Variants in EFR3B observed in about 807,000 individuals in gnomAD.
EFR3B encodes the protein EFR3 homolog B, also known as protein EFR3 homolog B.
EFR3B carries 64 observed loss-of-function variants against 104.7 expected under a neutral mutation model. The observed-to-expected ratio is 0.61, with a 90% CI of 0.50 to 0.75. The LOEUF (loss-of-function observed/expected upper bound fraction) is 0.75. Ranked by LOEUF, EFR3B falls within the 30% of genes least tolerant of loss-of-function variation. The pLI is 0.00. For missense variants in EFR3B, 750 were observed against 1,078.5 expected (o/e 0.70, Z 4.27); for synonymous variants, 385 against 417.9 (o/e 0.92, Z 0.96).
chr2:25,057,808 C>G (rs1045704232), intron 1 of EFR3B, among the ~76,000 whole-genome samples: 1 of 150,198 alleles, frequency 6.7e-6, no homozygotes, highest in African/African-American at 2.4e-5. Flanking sequence ...AGACCATTAT[C>G]AATTGAGCTA....
intron 3 of EFR3B, among the ~76,000 whole-genome samples, chr2:25,097,043 C>T (rs1175144207): frequency 6.6e-6 from 1 of 152,144 alleles, no homozygotes. Flanking sequence ...TAGGTTGAAC[C>T]TAAAACTAAT....
intron 1 of EFR3B, among the ~76,000 whole-genome samples, chr2:25,050,695 A>G (rs1037327454): frequency 7.9e-5 from 12 of 152,350 alleles, no homozygotes; most frequent in African/African-American, 2.9e-4. Context: ...AAGTTATTTC[A>G]GAGAAAAAAA....
chr2:25,138,926 C>T, intron 15 of EFR3B, 133 bp from the exon 16 acceptor site: 10 of 1,315,106 alleles, frequency 7.6e-6, no homozygotes, highest in Non-Finnish European at 1.0e-5. Flanking sequence ...AGGTTTGGGT[C>T]AAATGCTGAG....
intron 1 of EFR3B, among the ~76,000 whole-genome samples, chr2:25,055,064 CTT>C (rs1169868313): frequency 2.0e-5 from 3 of 152,192 alleles, no homozygotes; most frequent in African/African-American, 4.8e-5. Context: ...CAGGAGAACT[CTT>C]TGGAGGTGGA....
chr2:25,081,574 T>G, intron 1 of EFR3B: 1 of 891,082 alleles, frequency 1.1e-6, no homozygotes, highest in South Asian at 1.3e-5. Flanking sequence ...TCCATGGTTA[T>G]TCAACAATCC....
In EFR3B at chr2:25,121,718, C is replaced by T. The variant is rs1385425874; in HGVS notation, c.409C>T (p.Arg137Trp). 3.9e-6 allele frequency: 6 copies of T among 1,551,692 alleles called. No homozygotes were observed. Among genetic ancestry groups the T allele is most frequent in the Admixed American group, 2.0e-5 (1 of 50,998 alleles). Reference protein sequence around the residue: ...NIEEDTPSYHRSYDFFVSRFS... With the variant: ...NIEEDTPSYHWSYDFFVSRFS... The stretch of plus-strand genomic sequence containing the variant: ...CGAGGAGGACACCCCGTCCTATCAC[C>T]GGAGCTATGACTTCTTTGTGTCCCG... The change falls in exon 5 of 23, where the codon CGG becomes TGG. Residue 137 changes from arginine to tryptophan, a missense_variant. Arg to Trp is a moderately radical substitution (Grantham distance 101). Coordinates refer to ENST00000403714, the MANE Select transcript of EFR3B (RefSeq NM_014971.2).
chr2:25,053,680 G>A (rs62143000), intron 1 of EFR3B, among the ~76,000 whole-genome samples: 1,754 of 152,270 alleles, frequency 0.012, 23 homozygotes, highest in Middle Eastern at 0.017. Flanking sequence ...TGAGGTGGGC[G>A]GATCACGAGG....
intron 1 of EFR3B, among the ~76,000 whole-genome samples, chr2:25,047,742 C>T (rs981745704): frequency 7.2e-5 from 11 of 152,134 alleles, no homozygotes; most frequent in East Asian, 3.9e-4. Flanking sequence ...CACACTGATA[C>T]GCTCACCTTG....
intron 1 of EFR3B, among the ~76,000 whole-genome samples, chr2:25,071,352 C>T (rs1291515368): frequency 6.6e-6 from 1 of 151,734 alleles, no homozygotes; most frequent in Non-Finnish European, 1.5e-5. Context: ...TGTCTGCCTC[C>T]TGGGTTCAAG....
chr2:25,133,358 G>T, intron 11 of EFR3B, 25 bp from the exon 12 acceptor site: 1 of 1,551,988 alleles, frequency 6.4e-7, no homozygotes, highest in South Asian at 1.2e-5. Flanking sequence ...CCATCCTGGT[G>T]AGTGTTTGTG....
In EFR3B at chr2:25,042,385, A is replaced by G. The variant is rs1259977024; in HGVS notation, c.7+66A>G. ...GACTCCGCAAACTTCCCCGGCGCGG[A>G]CCATTGTCCCCCTGCACGGCCCTGG... On this transcript the variant is annotated intron_variant, in intron 1 of 22. Coordinates refer to ENST00000403714, the MANE Select transcript of EFR3B (RefSeq NM_014971.2). This position sits in a 1 kb window ranked among gnomAD's most constrained non-coding sequence, Gnocchi z 5.4. 1.7e-5 allele frequency: 21 copies of G among 1,233,320 alleles called. No homozygotes were observed. Among genetic ancestry groups the G allele is most frequent in the Non-Finnish European group, 2.0e-5 (20 of 987,328 alleles). 76.4% of individuals were successfully genotyped at this position (1,233,320 alleles called of 1,614,324 possible). A position where few individuals can be genotyped will look rare whatever the true frequency, so the allele number is the denominator to read the frequency against.
intron 4 of EFR3B, among the ~76,000 whole-genome samples, chr2:25,117,903 C>G (rs997498743): frequency 3.3e-5 from 5 of 152,214 alleles, no homozygotes. Flanking sequence ...CCTATTTCCA[C>G]TCCCCGCAGC....
rs1414502268 is a variant in EFR3B, at chr2:25,157,047, T to C, written c.*2707T>C. On this transcript the variant is annotated 3_prime_UTR_variant, in exon 23 of 23. Transcript: ENST00000403714. ...AGCATTAGAACCTGAGATCCCCAGA[T>C]GTTTCTGCCCCTCATCCCCATCCTG... 6.6e-6 allele frequency: 1 copy of C among 152,238 alleles called. No individual in the cohort carries two copies. The highest frequency in any genetic ancestry group is 1.5e-5 in the Non-Finnish European group (1 of 68,070). 9.4% of individuals were successfully genotyped at this position (152,238 alleles called of 1,614,324 possible). A position where few individuals can be genotyped will look rare whatever the true frequency, so the allele number is the denominator to read the frequency against.
intron 3 of EFR3B, among the ~76,000 whole-genome samples, chr2:25,102,547 A>G (rs1272869670): frequency 6.6e-6 from 1 of 152,142 alleles, no homozygotes; most frequent in Non-Finnish European, 1.5e-5. Flanking sequence ...AAACCATCAG[A>G]TCTCATGAGA....
intron 3 of EFR3B, among the ~76,000 whole-genome samples, chr2:25,101,748 C>A (rs1292811187): frequency 1.3e-5 from 2 of 152,116 alleles, no homozygotes; most frequent in Non-Finnish European, 2.9e-5. Flanking sequence ...ACATGCACAG[C>A]TAAAATTCTG....
At chr2:25,115,975 G>A (rs956162600) in intron 4 of EFR3B, 1 of 152,214 alleles carries the variant, frequency 6.6e-6, no homozygotes, top group Non-Finnish European at 1.5e-5. Flanking sequence ...AACAAGGCAT[G>A]CATTAAACGA....
intron 5 of EFR3B, among the ~76,000 whole-genome samples, chr2:25,124,617 G>T (rs567602685): frequency 6.6e-6 from 1 of 151,790 alleles, no homozygotes; most frequent in Non-Finnish European, 1.5e-5. Flanking sequence ...GCGGGCACCT[G>T]TAATCCCAGC....
chr2:25,119,381 G>A (rs1232422255), intron 4 of EFR3B, among the ~76,000 whole-genome samples: 1 of 152,200 alleles, frequency 6.6e-6, no homozygotes, highest in Admixed American at 6.5e-5. Context: ...GAGTGCAGCC[G>A]GGGAACATGC....
At position 25,155,462 on chromosome 2, in the gene EFR3B, A is replaced by C. The variant is rs1472846363; in HGVS notation, c.*1122A>C. 1 of 152,256 alleles carries C rather than the reference A, an allele frequency of 6.6e-6. No homozygotes were observed. The highest frequency in any genetic ancestry group is 2.4e-5 in the African/African-American group (1 of 41,436). 9.4% of individuals were successfully genotyped at this position (152,256 alleles called of 1,614,324 possible). A position where few individuals can be genotyped will look rare whatever the true frequency, so the allele number is the denominator to read the frequency against. ...GCTTGTGGCTTGGGAGGAGCCATGG[A>C]GACCCCTTTGGGTTCTGGGTTCCTG... On this transcript the variant is annotated 3_prime_UTR_variant, in exon 23 of 23. Transcript: ENST00000403714.
Sources: allele counts gnomAD v4.1 joint callset (sites outside exome capture counted in the v4.1 genomes callset), GRCh38; gene constraint gnomAD v4.1.1; non-coding constraint Gnocchi (gnomAD v3.1); transcripts MANE v1.5; gene names NCBI Gene and HGNC (gene_info 2026-07-23, HGNC 2026-07-21).